KLHL15: variants seen among roughly 807,000 people sequenced by gnomAD.
KLHL15 encodes kelch like family member 15.
KLHL15 carries 1 observed loss-of-function variant against 29.3 expected under a neutral mutation model. The observed-to-expected ratio is 0.03, with a 90% CI of 0.01 to 0.16. The LOEUF (loss-of-function observed/expected upper bound fraction) is 0.16. Ranked by LOEUF, KLHL15 falls within the 10% of genes least tolerant of loss-of-function variation. The probability of loss-of-function intolerance (pLI) is 1.00; values close to 1 mark genes in which losing one functional copy is unlikely to be tolerated. For missense variants in KLHL15, 215 were observed against 478.5 expected, an observed-to-expected ratio of 0.45 and a Z score of 5.14; for synonymous variants, 212 against 184.5, an observed-to-expected ratio of 1.15 and a Z score of -1.21.
chrX:24,015,927 A>G (rs1929668285), intron 2 of KLHL15, among the ~76,000 whole-genome samples: 1 of 110,722 alleles, frequency 9.0e-6, no homozygotes, highest in Non-Finnish European at 1.9e-5. Context: ...TGAACCTGGG[A>G]GGCGGAGGTT....
chrX:24,007,320 C>G, intron 2 of KLHL15, among the ~76,000 whole-genome samples: 1 of 107,407 alleles, frequency 9.3e-6, no homozygotes, highest in Middle Eastern at 4.9e-3. Context: ...CGATGAAACT[C>G]CAACTCTACT....
At chrX:24,004,539 T>C (rs750753250) in intron 3 of KLHL15, among the ~76,000 whole-genome samples, 6 of 111,760 alleles carry the variant, frequency 5.4e-5, no homozygotes, top group Non-Finnish European at 1.1e-4. Flanking sequence ...ACGCCTGTAA[T>C]CCCAGCACTT....
chrX:24,005,044 G>C (rs929206672), intron 3 of KLHL15, among the ~76,000 whole-genome samples: 3 of 110,442 alleles, frequency 2.7e-5, no homozygotes, highest in Non-Finnish European at 3.8e-5. Context: ...CTAAAGCTGA[G>C]GAACTATTTA....
chrX:23,989,746 T>TAACTCCTGTAAG (rs1170653650), intron 3 of KLHL15, among the ~76,000 whole-genome samples: 2 of 111,459 alleles, frequency 1.8e-5, no homozygotes, highest in Non-Finnish European at 3.8e-5. Flanking sequence ...CTTGGTCTGA[T>TAACTCCTGTAAG]AACTCCTGTA....
In KLHL15 at chrX:23,985,273, T is replaced by C. The variant is rs1928965464; in HGVS notation, c.*2648A>G. The C allele has an allele frequency of 9.0e-6, 1 of 111,590 alleles. No individual in the cohort carries two copies. Among genetic ancestry groups the C allele is most frequent in the African/African-American group, 3.3e-5 (1 of 30,759 alleles). 9.2% of individuals were successfully genotyped at this position (111,590 alleles called of 1,213,427 possible). A position where few individuals can be genotyped will look rare whatever the true frequency, so the allele number is the denominator to read the frequency against. ...TGAATTTTTCAAAAAACTACTTTTTTGAGCGCAATGTATATAAACAAAAAC... is the reference window on the plus strand; with the variant it reads ...TGAATTTTTCAAAAAACTACTTTTTCGAGCGCAATGTATATAAACAAAAAC... On this transcript the variant is annotated 3_prime_UTR_variant, in exon 4 of 4. Coordinates refer to ENST00000328046, the MANE Select transcript of KLHL15 (RefSeq NM_030624.3).
At chrX:24,004,228 T>A (rs1403466646) in intron 3 of KLHL15, among the ~76,000 whole-genome samples, 1 of 110,719 alleles carries the variant, frequency 9.0e-6, no homozygotes, top group Non-Finnish European at 1.9e-5. Flanking sequence ...TGGTGGTGGG[T>A]AACTGTAATC....
At chrX:24,010,391 C>A (rs952791500) in intron 2 of KLHL15, among the ~76,000 whole-genome samples, 20 of 112,083 alleles carry the variant, frequency 1.8e-4, no homozygotes, top group Non-Finnish European at 3.8e-4. Context: ...ACTATGCCAA[C>A]TGGTCCTTTA....
chrX:24,022,589 G>A (rs1459535887), intron 2 of KLHL15, among the ~76,000 whole-genome samples: 2 of 105,296 alleles, frequency 1.9e-5, no homozygotes, highest in African/African-American at 7.0e-5. Context: ...AGCGGGGATC[G>A]GATCGCACCA....
chrX:24,020,649 T>C (rs1056238968), intron 2 of KLHL15, among the ~76,000 whole-genome samples: 3 of 111,639 alleles, frequency 2.7e-5, no homozygotes, highest in African/African-American at 9.7e-5. Context: ...TTTAATTTAA[T>C]GCTTCTCTGC....
intron 2 of KLHL15, among the ~76,000 whole-genome samples, chrX:24,018,116 C>G (rs1929727951): frequency 9.0e-6 from 1 of 111,520 alleles, no homozygotes; most frequent in Non-Finnish European, 1.9e-5. Flanking sequence ...AAAAAGAAAT[C>G]TAAGTACAGA....
rs781322688 is a variant in KLHL15 at position 23,986,685 on chromosome X, C to T, written c.*1236G>A. 1.8e-5 allele frequency: 2 copies of T among 112,155 alleles called. No individual in the cohort carries two copies. The highest frequency in any genetic ancestry group is 9.5e-5 in the Admixed American group (1 of 10,524). 9.2% of individuals were successfully genotyped at this position (112,155 alleles called of 1,213,427 possible). ...AACTGAGGGCTTACATCCCTAGTGT[C>T]GCTGGGTATTTTGTACAAAATAAAC... On this transcript the variant is annotated 3_prime_UTR_variant, in exon 4 of 4. Transcript: ENST00000328046.
intron 2 of KLHL15, among the ~76,000 whole-genome samples, chrX:24,016,481 T>C (rs1358116735): frequency 9.4e-6 from 1 of 106,947 alleles, no homozygotes; most frequent in Non-Finnish European, 1.9e-5. Context: ...CTGGCCAACA[T>C]GGCAAAACCC....
At chrX:23,996,492 GTCTCTAC>G (rs1929192499) in intron 3 of KLHL15, among the ~76,000 whole-genome samples, 1 of 111,195 alleles carries the variant, frequency 9.0e-6, no homozygotes, top group Admixed American at 9.6e-5. Flanking sequence ...GCGAAACCCT[GTCTCTAC>G]TAAAAATACA....
chrX:24,009,223 G>C (rs185156927), intron 2 of KLHL15, among the ~76,000 whole-genome samples: 1 of 111,155 alleles, frequency 9.0e-6, no homozygotes, highest in Admixed American at 9.6e-5. Context: ...AAGGCCGGGC[G>C]TGGTGGCTCA....
At chrX:24,020,545 T>C (rs928578065) in intron 2 of KLHL15, among the ~76,000 whole-genome samples, 4 of 111,855 alleles carry the variant, frequency 3.6e-5, no homozygotes, top group Non-Finnish European at 5.6e-5. Flanking sequence ...TTACTTCACT[T>C]TTCAGGTATG....
intron 3 of KLHL15, among the ~76,000 whole-genome samples, chrX:24,001,214 T>C (rs891013471): frequency 3.6e-5 from 4 of 111,937 alleles, no homozygotes; most frequent in Non-Finnish European, 7.5e-5. Context: ...AACTATAAAA[T>C]CCTAAATACA....
At chrX:24,012,055 C>G (rs906477555) in intron 2 of KLHL15, among the ~76,000 whole-genome samples, 2 of 109,074 alleles carry the variant, frequency 1.8e-5, no homozygotes, top group Non-Finnish European at 3.8e-5. Context: ...TCGGGGGAGG[C>G]TGAAGCAGGG....
chrX:24,003,415 T>A (rs1334576103), intron 3 of KLHL15, among the ~76,000 whole-genome samples: 1 of 106,145 alleles, frequency 9.4e-6, no homozygotes, highest in East Asian at 2.9e-4. Context: ...TAGCCGGGCG[T>A]GGTGGCGGGT....
chrX:24,018,240 G>GA (rs754408326), intron 2 of KLHL15, among the ~76,000 whole-genome samples: 1 of 111,520 alleles, frequency 9.0e-6, no homozygotes, highest in Non-Finnish European at 1.9e-5. Context: ...TCTCCCAAAA[G>GA]AAAAAAACGA....
Sources: gnomAD v4.1 joint callset for allele counts (sites outside exome capture counted in the v4.1 genomes callset) on GRCh38, gnomAD v4.1.1 for gene constraint, MANE v1.5 for transcripts, NCBI Gene and HGNC (gene_info 2026-07-23, HGNC 2026-07-21) for gene names.